The following TMEM63C variants were observed in gnomAD, a reference collection of about 807,000 sequenced individuals.
The protein encoded by TMEM63C is osmosensitive cation channel TMEM63C.
TMEM63C carries 32 observed loss-of-function variants against 99.2 expected under a neutral mutation model. The observed-to-expected ratio is 0.32, with a 90% CI of 0.24 to 0.43. The LOEUF is 0.43. TMEM63C is among the 20% of genes least tolerant of loss of function. The pLI, the probability that TMEM63C is intolerant of heterozygous loss-of-function variation, is 1.00. For missense variants in TMEM63C, 826 were observed against 1,053.0 expected, an observed-to-expected ratio of 0.78 and a Z score of 2.98; for synonymous variants, 376 against 397.9, an observed-to-expected ratio of 0.94 and a Z score of 0.66.
chr14:77,254,118 C>T lies in TMEM63C; in HGVS notation c.2220+742C>T, dbSNP rs999568974. On this transcript the variant is annotated intron_variant, in intron 23 of 23. Coordinates refer to ENST00000298351, the MANE Select transcript of TMEM63C (RefSeq NM_020431.4). ...GAATCTGACCCCAGGAATGGGCATA[C>T]GGGGTGCCAGGTGAAGTAGGGTGTG... is the stretch of plus-strand genomic sequence containing the variant. Among the ~76,000 whole-genome samples, 2 of 152,186 alleles carry T rather than the reference C, an allele frequency of 1.3e-5. 1 individual carries two copies. The highest frequency in any genetic ancestry group is 3.8e-4 in the East Asian group (2 of 5,202).
intron 1 of TMEM63C, among the ~76,000 whole-genome samples, chr14:77,186,466 G>A (rs1594846508): frequency 6.6e-6 from 1 of 152,166 alleles, no homozygotes; most frequent in Non-Finnish European, 1.5e-5. Context: ...CACTTTGGGG[G>A]GCCTAGGAGG....
intron 1 of TMEM63C, among the ~76,000 whole-genome samples, chr14:77,199,078 T>TA (rs1327066013): frequency 6.6e-6 from 1 of 151,736 alleles, no homozygotes; most frequent in Non-Finnish European, 1.5e-5. Flanking sequence ...ATGGGGGAAA[T>TA]AAAAAACACA....
At position 77,240,570 on chromosome 14, in the gene TMEM63C, G is replaced by C; in HGVS notation, c.1026G>C (p.Leu342=). ...LNRVPLKRLD[L]IFVTFQDSRM... ...GCGTGCCGCTCAAGCGGCTGGACCT[G>C]ATCTTTGTCACCTTCCAGGACTCCA... Residue 342 remains leucine (L), a synonymous_variant, in exon 13 of 24, where the codon CTG becomes CTC. Coordinates refer to ENST00000298351, the MANE Select transcript of TMEM63C (RefSeq NM_020431.4). 2 of 1,611,448 alleles carry C rather than the reference G, an allele frequency of 1.2e-6. No homozygotes were observed. Among genetic ancestry groups the C allele is most frequent in the Non-Finnish European group, 1.7e-6 (2 of 1,179,868 alleles).
intron 20 of TMEM63C, 40 bp downstream of exon 20, chr14:77,248,912 G>T: frequency 6.6e-7 from 1 of 1,524,928 alleles, no homozygotes; most frequent in Non-Finnish European, 9.1e-7. Flanking sequence ...CTGCACATCC[G>T]CAGATGGGGA....
At position 77,256,590 on chromosome 14, in the gene TMEM63C, G is replaced by A. The variant is rs1192776666; in HGVS notation, c.2285G>A (p.Arg762Lys). 6.2e-7 allele frequency: 1 copy of A among 1,613,992 alleles called. No homozygotes were observed. The highest frequency in any genetic ancestry group is 8.5e-7 in the Non-Finnish European group (1 of 1,179,894). The change falls in exon 24 of 24, where the codon AGG becomes AAG. Residue 762 changes from arginine (R) to lysine (K), a missense_variant. By Grantham distance (26) the Arg-to-Lys change is conservative. Transcript: ENST00000298351. ...LNLTPASSPA[R>K]HTYGTMNNQP... ...CTGACCCCCGCCTCCTCCCCAGCCAGGCACACCTATGGCACCATGAACAAC... is the reference window on the plus strand; with the variant it reads ...CTGACCCCCGCCTCCTCCCCAGCCAAGCACACCTATGGCACCATGAACAAC...
chr14:77,192,411 A>T (rs1284121680), intron 1 of TMEM63C, among the ~76,000 whole-genome samples: 1 of 150,754 alleles, frequency 6.6e-6, no homozygotes, highest in Non-Finnish European at 1.5e-5. Context: ...TGCTCTTTGT[A>T]TCCATCCTCC....
chr14:77,219,643 C>T (rs891091163), intron 4 of TMEM63C, 66 bp downstream of exon 4: 35 of 1,537,006 alleles, frequency 2.3e-5, no homozygotes, highest in South Asian at 6.7e-5. Context: ...ATGGCCAGGA[C>T]GCAGCTCTGC....
At chr14:77,194,569 GTCTT>G (rs1386740193) in intron 1 of TMEM63C, among the ~76,000 whole-genome samples, 12 of 85,710 alleles carry the variant, frequency 1.4e-4, no homozygotes, top group Non-Finnish European at 2.8e-4. Flanking sequence ...CTTTCTTTCT[GTCTT>G]TCTTTCTTCC....
intron 22 of TMEM63C, among the ~76,000 whole-genome samples, chr14:77,252,294 AG>A (rs925895800): frequency 2.0e-5 from 3 of 151,740 alleles, no homozygotes; most frequent in South Asian, 2.1e-4. Flanking sequence ...ATTCAAAAAG[AG>A]GGGGGATTGT....
rs375745551 is a variant in TMEM63C at position 77,239,612 on chromosome 14, C to A, written c.816C>A (p.Ala272=). The A allele has an allele frequency of 3.7e-6, 6 of 1,613,394 alleles. No individual in the cohort carries two copies. Among genetic ancestry groups the A allele is most frequent in the Non-Finnish European group, 5.1e-6 (6 of 1,179,758 alleles). ...LIDLDDQRRH[A]MRGRLFYTAK... ...TGCCCACCGCTGGCAGGCGCCATGC[C>A]ATGCGGGGCCGGCTTTTCTATACAG... The change falls in exon 12 of 24, where the codon GCC becomes GCA. Residue 272 remains alanine, a synonymous_variant. Coordinates refer to ENST00000298351, the MANE Select transcript of TMEM63C (RefSeq NM_020431.4).
At chr14:77,228,423 G>T (rs408572) in intron 6 of TMEM63C, among the ~76,000 whole-genome samples, 59,668 of 152,076 alleles carry the variant, frequency 0.39, 13,123 homozygotes, top group Non-Finnish European at 0.49. Flanking sequence ...CTCAAGTCCA[G>T]GGAGGGAAAC....
chr14:77,216,769 C>A (rs1013928758), intron 2 of TMEM63C, among the ~76,000 whole-genome samples: 1 of 152,160 alleles, frequency 6.6e-6, no homozygotes, highest in African/African-American at 2.4e-5. Flanking sequence ...ACCTCCACTG[C>A]GCCCATCCCA....
chr14:77,200,828 G>C (rs1294646888), intron 1 of TMEM63C, among the ~76,000 whole-genome samples: 2 of 152,172 alleles, frequency 1.3e-5, no homozygotes, highest in African/African-American at 4.8e-5. Context: ...GATGCCTTGA[G>C]GCCAACTGGC....
intron 6 of TMEM63C, among the ~76,000 whole-genome samples, chr14:77,225,883 G>C (rs931188314): frequency 2.6e-5 from 4 of 151,906 alleles, no homozygotes; most frequent in African/African-American, 7.3e-5. Context: ...CTCGGCCTCA[G>C]TGCCTGGAGA....
chr14:77,226,368 C>G (rs412709), intron 6 of TMEM63C, among the ~76,000 whole-genome samples: 26,998 of 152,226 alleles, frequency 0.18, 2,652 homozygotes, highest in Non-Finnish European at 0.22. Flanking sequence ...TCATAGAAGA[C>G]AGCTTAATGC....
Position 77,251,799 on chromosome 14 carries a change from C to T in TMEM63C, c.2049C>T (p.His683=), listed in dbSNP as rs762495465. ...TCTCCTCCTCGGCAGGTTCTCTCCA[C>T]GCCATCACCATCTTTTCCCTGTCCA... ...FFSILRLGSL[H]AITIFSLSTL... Residue 683 remains histidine (H), a synonymous_variant, in exon 22 of 24, where the codon CAC becomes CAT. Coordinates refer to ENST00000298351, the MANE Select transcript of TMEM63C (RefSeq NM_020431.4). 1.1e-4 allele frequency: 183 copies of T among 1,613,866 alleles called. No homozygotes were observed. The highest frequency in any genetic ancestry group is 1.7e-4 in the Middle Eastern group (1 of 6,060).
chr14:77,189,292 A>G (rs1178938467), intron 1 of TMEM63C, among the ~76,000 whole-genome samples: 7 of 138,800 alleles, frequency 5.0e-5, no homozygotes, highest in African/African-American at 1.8e-4. Context: ...TTTTTTTTGC[A>G]TTTTTTGTAG....
At position 77,237,853 on chromosome 14, in the gene TMEM63C, G is replaced by A. The variant is rs186020278; in HGVS notation, c.652-841G>A. Among the ~76,000 whole-genome samples the A allele has an allele frequency of 1.8e-3, 269 of 152,302 alleles. 1 individual carries two copies. Among genetic ancestry groups the A allele is most frequent in the African/African-American group, 5.9e-3 (247 of 41,570 alleles). On this transcript the variant is annotated intron_variant, in intron 9 of 23. Coordinates refer to ENST00000298351, the MANE Select transcript of TMEM63C (RefSeq NM_020431.4). ...AGAGTGAGGAGCATCCTTAGTTCCCGTCCTCAGCCTTTCAAAGGTTCAGTG... is the reference window on the plus strand; with the variant it reads ...AGAGTGAGGAGCATCCTTAGTTCCCATCCTCAGCCTTTCAAAGGTTCAGTG...
chr14:77,205,678 G>C (rs1009530501), intron 1 of TMEM63C, among the ~76,000 whole-genome samples: 1 of 152,174 alleles, frequency 6.6e-6, no homozygotes, highest in Non-Finnish European at 1.5e-5. Flanking sequence ...ATGGGCAAGG[G>C]GCCTTCCATC....
Sources: gnomAD v4.1 joint callset for allele counts (sites outside exome capture counted in the v4.1 genomes callset) on GRCh38, gnomAD v4.1.1 for gene constraint, MANE v1.5 for transcripts, NCBI Gene and HGNC (gene_info 2026-07-23, HGNC 2026-07-21) for gene names.